The following CSMD1 variants were observed in gnomAD, a reference collection of about 807,000 sequenced individuals.
The protein encoded by CSMD1 is CUB and Sushi multiple domains 1.
CSMD1 carries 213 observed loss-of-function variants against 417.5 expected under a neutral mutation model. That is an observed-to-expected ratio of 0.51 (90% CI 0.46 to 0.57). The LOEUF (loss-of-function observed/expected upper bound fraction) is 0.57. Ranked by LOEUF, CSMD1 falls within the 20% of genes least tolerant of loss-of-function variation. CSMD1 has a pLI of 0.00. For missense variants in CSMD1, 6,923 were observed against 4,529.7 expected, an observed-to-expected ratio of 1.53 and a Z score of -15.17; for synonymous variants, 2,862 against 1,736.8, an observed-to-expected ratio of 1.65 and a Z score of -16.11.
At chr8:4,379,765 C>G (rs879146617) in intron 3 of CSMD1, among the ~76,000 whole-genome samples, 3 of 152,034 alleles carry the variant, frequency 2.0e-5, no homozygotes, top group Admixed American at 1.3e-4. Flanking sequence ...AATCTATGGC[C>G]CACACTTTAG....
intron 2 of CSMD1, among the ~76,000 whole-genome samples, chr8:4,621,796 A>T (rs1211468400): frequency 6.6e-6 from 1 of 152,154 alleles, no homozygotes; most frequent in Non-Finnish European, 1.5e-5. Flanking sequence ...TGTAAGTCAA[A>T]CCCAATAATA....
chr8:4,184,605 A>G (rs1798559613), intron 3 of CSMD1, among the ~76,000 whole-genome samples: 1 of 152,096 alleles, frequency 6.6e-6, no homozygotes, highest in Non-Finnish European at 1.5e-5. Flanking sequence ...GCAAACTAAC[A>G]CAGGAAAAAA....
At chr8:4,284,542 T>A (rs972239609) in intron 3 of CSMD1, among the ~76,000 whole-genome samples, 1 of 152,162 alleles carries the variant, frequency 6.6e-6, no homozygotes, top group African/African-American at 2.4e-5. Flanking sequence ...GCGACACACT[T>A]GCATATGCCA....
At chr8:4,146,646 C>G (rs1377446189) in intron 3 of CSMD1, among the ~76,000 whole-genome samples, 1 of 121,478 alleles carries the variant, frequency 8.2e-6, no homozygotes, top group African/African-American at 3.2e-5. Context: ...GAGTCTCGAT[C>G]CGTCCCCCAG....
chr8:3,440,661 T>C (rs1232973910), intron 12 of CSMD1, among the ~76,000 whole-genome samples: 1 of 152,220 alleles, frequency 6.6e-6, no homozygotes, highest in Admixed American at 6.5e-5. Context: ...CAATTTTGAA[T>C]GGACTTGAGC....
rs150596625 is a variant in CSMD1, at chr8:3,240,343, T to A, written c.4154-10112A>T. On this transcript the variant is annotated intron_variant, in intron 26 of 69. Coordinates refer to ENST00000635120, the MANE Select transcript of CSMD1 (RefSeq NM_033225.6). ...CTATGGGGTCAGCAAGGTTTCCTTT[T>A]GTGAGTTTATATAATGGTTTTGTTA... Among the ~76,000 whole-genome samples, 1,431 of 152,182 alleles carry A rather than the reference T, an allele frequency of 9.4e-3. 23 individuals are homozygous for A. The highest frequency in any genetic ancestry group is 0.032 in the African/African-American group (1,345 of 41,514).
intron 3 of CSMD1, among the ~76,000 whole-genome samples, chr8:4,237,859 T>C (rs1254669263): frequency 6.6e-6 from 1 of 152,174 alleles, no homozygotes; most frequent in African/African-American, 2.4e-5. Context: ...ATTATTTTTT[T>C]CTGGACAATG....
At chr8:4,953,568 T>A (rs926919438) in intron 1 of CSMD1, among the ~76,000 whole-genome samples, 17 of 152,152 alleles carry the variant, frequency 1.1e-4, no homozygotes, top group African/African-American at 3.6e-4. Flanking sequence ...TTTCTCACTG[T>A]TGAGAAACGA....
rs185173915 is a variant in CSMD1, at chr8:3,235,814, C to G, written c.4154-5583G>C. On this transcript the variant is annotated intron_variant, in intron 26 of 69. Transcript: ENST00000635120. ...CGTATAACAATAATAATGCAGCATG[C>G]AATTAAAAGTTTTAAACTTGTGAAG... Among the ~76,000 whole-genome samples, 192 of 150,980 alleles carry G rather than the reference C, an allele frequency of 1.3e-3. 1 individual carries two copies. Among genetic ancestry groups the G allele is most frequent in the African/African-American group, 4.5e-3 (184 of 41,066 alleles).
rs553063597 is a variant in CSMD1 at position 3,162,369 on chromosome 8, T to A, written c.5726-92A>T. 1.2e-4 allele frequency: 97 copies of A among 810,838 alleles called. No individual in the cohort carries two copies. In the African/African-American group the frequency reaches 1.5e-3, roughly 13 times the overall value. 50.2% of individuals were successfully genotyped at this position (810,838 alleles called of 1,614,324 possible). On this transcript the variant is annotated intron_variant, in intron 37 of 69. Transcript: ENST00000635120. Reference sequence around the variant, plus strand: ...CAAAGTTTATTTCTATTGCTCTCCTTCTGTAGAAATGAACAAAGACTTCAA... The same window carrying A: ...CAAAGTTTATTTCTATTGCTCTCCTACTGTAGAAATGAACAAAGACTTCAA...
intron 2 of CSMD1, 132 bp from the exon 3 acceptor site, chr8:4,420,197 ATC>A (rs1342709045): frequency 3.7e-6 from 2 of 547,846 alleles, no homozygotes; most frequent in African/African-American, 1.9e-5. Context: ...CACTTAGATA[ATC>A]CATACACATA....
intron 12 of CSMD1, among the ~76,000 whole-genome samples, chr8:3,429,147 T>C (rs1303290413): frequency 2.0e-5 from 3 of 152,288 alleles, no homozygotes; most frequent in Admixed American, 1.3e-4. Context: ...CTTAACAATA[T>C]TGCATGGTAT....
At chr8:4,896,990 T>G (rs1804538263) in intron 1 of CSMD1, among the ~76,000 whole-genome samples, 1 of 152,162 alleles carries the variant, frequency 6.6e-6, no homozygotes, top group African/African-American at 2.4e-5. Context: ...TTGTGATGTG[T>G]CTCGTTTTTT....
At chr8:4,310,011 C>G (rs1413171657) in intron 3 of CSMD1, among the ~76,000 whole-genome samples, 1 of 152,060 alleles carries the variant, frequency 6.6e-6, no homozygotes, top group Non-Finnish European at 1.5e-5. Context: ...GGAAAACACG[C>G]TAAAAGGTAT....
chr8:4,153,437 C>G (rs1017962933), intron 3 of CSMD1, among the ~76,000 whole-genome samples: 1 of 152,212 alleles, frequency 6.6e-6, no homozygotes, highest in African/African-American at 2.4e-5. Context: ...GTGCCCCGCA[C>G]TTAGCAGATG....
At chr8:3,984,976 G>C (rs1398420207) in intron 5 of CSMD1, among the ~76,000 whole-genome samples, 2 of 152,032 alleles carry the variant, frequency 1.3e-5, no homozygotes, top group East Asian at 1.9e-4. Flanking sequence ...ACTTGGGAAA[G>C]ATGGATTATT....
rs567590419 is a variant in CSMD1, at chr8:3,601,245, T to C, written c.1098-14985A>G. On this transcript the variant is annotated intron_variant, in intron 8 of 69. Transcript: ENST00000635120. ...CTTTATTATTTTTCCAAGAACATTATTTGATGGAGGCCAAGATTTGGTAGG... is the reference window on the plus strand; with the variant it reads ...CTTTATTATTTTTCCAAGAACATTACTTGATGGAGGCCAAGATTTGGTAGG... 4.6e-5 allele frequency among the ~76,000 whole-genome samples: 7 copies of C among 152,322 alleles called. No individual in the cohort carries two copies. In the South Asian group the frequency reaches 1.5e-3, roughly 32 times the overall value.
At chr8:4,167,007 T>C (rs1423217068) in intron 3 of CSMD1, among the ~76,000 whole-genome samples, 1 of 152,190 alleles carries the variant, frequency 6.6e-6, no homozygotes, top group African/African-American at 2.4e-5. Context: ...TGGGTGTTTG[T>C]GAAATCTTTT....
chr8:3,590,415 C>T (rs1800796949), intron 8 of CSMD1, among the ~76,000 whole-genome samples: 1 of 152,186 alleles, frequency 6.6e-6, no homozygotes, highest in Non-Finnish European at 1.5e-5. Context: ...CTGAACTCGG[C>T]TCTTACTCTT....
Sources: gnomAD v4.1 joint callset for allele counts (sites outside exome capture counted in the v4.1 genomes callset) on GRCh38, gnomAD v4.1.1 for gene constraint, MANE v1.5 for transcripts, NCBI Gene and HGNC (gene_info 2026-07-23, HGNC 2026-07-21) for gene names.